The following LY86 variants were observed in gnomAD, a reference collection of about 807,000 sequenced individuals.
LY86 encodes the protein lymphocyte antigen 86, also known as MD-1, RP105-associated.
LY86 carries 20 observed loss-of-function variants against 17.3 expected under a neutral mutation model. The ratio of observed to expected loss-of-function variants is 1.15; its 90% CI spans 0.81 to 1.68. LY86 has a LOEUF of 1.68. Among genes scored for constraint, LY86 ranks in the 40% most tolerant of loss-of-function variants. The pLI is 0.00. For missense variants in LY86, 200 were observed against 191.9 expected, an observed-to-expected ratio of 1.04 and a Z score of -0.25; for synonymous variants, 74 against 70.6, an observed-to-expected ratio of 1.05 and a Z score of -0.24.
At chr6:6,608,546 T>G (rs1345255514) in intron 1 of LY86, among the ~76,000 whole-genome samples, 2 of 152,248 alleles carry the variant, frequency 1.3e-5, no homozygotes, top group Non-Finnish European at 2.9e-5. Flanking sequence ...AGTCCTTTTT[T>G]TCTTTCTCCA....
chr6:6,634,603 T>G (rs1010565182), intron 3 of LY86, among the ~76,000 whole-genome samples: 2 of 152,234 alleles, frequency 1.3e-5, no homozygotes, highest in Admixed American at 6.5e-5. Context: ...TTCATTACGT[T>G]TCTTAATTAG....
intron 1 of LY86, among the ~76,000 whole-genome samples, chr6:6,605,064 C>T (rs897538708): frequency 7.9e-4 from 112 of 142,414 alleles, no homozygotes; most frequent in African/African-American, 2.8e-3. Flanking sequence ...GCCACCGAGA[C>T]TCTCACTAAA....
chr6:6,652,291 G>A (rs999299570), intron 4 of LY86, among the ~76,000 whole-genome samples: 5 of 152,050 alleles, frequency 3.3e-5, no homozygotes, highest in Admixed American at 2.0e-4. Flanking sequence ...TGGCTGGCCC[G>A]CAATGCACGG....
intron 1 of LY86, among the ~76,000 whole-genome samples, chr6:6,606,723 G>A (rs367602404): frequency 1.3e-5 from 2 of 152,192 alleles, no homozygotes; most frequent in East Asian, 3.9e-4. Context: ...CAGCACTTGC[G>A]GGGCCCGCTG....
chr6:6,598,262 A>G lies in LY86; in HGVS notation c.136+9392A>G, dbSNP rs551605493. ...GTCTTATAAATTTCAAAAGCAGACAAAGCACAAATTATCACAAAATTATTC... is the reference window on the plus strand; with the variant it reads ...GTCTTATAAATTTCAAAAGCAGACAGAGCACAAATTATCACAAAATTATTC... On this transcript the variant is annotated intron_variant, in intron 1 of 4. Coordinates refer to ENST00000230568, the MANE Select transcript of LY86 (RefSeq NM_004271.4). Among the ~76,000 whole-genome samples the G allele has an allele frequency of 5.9e-5, 9 of 152,334 alleles. No homozygotes were observed. The East Asian group carries it at 1.7e-3, about 29-fold the overall frequency.
intron 1 of LY86, among the ~76,000 whole-genome samples, chr6:6,603,087 CTG>C (rs149772402): frequency 0.013 from 1,984 of 152,220 alleles, 46 homozygotes; most frequent in African/African-American, 0.043. Flanking sequence ...CCTCCCGACT[CTG>C]TCCTTATATG....
chr6:6,609,964 CTAT>C (rs992065174), intron 1 of LY86, among the ~76,000 whole-genome samples: 3 of 152,148 alleles, frequency 2.0e-5, no homozygotes, highest in Non-Finnish European at 4.4e-5. Flanking sequence ...GTGCTGGCCT[CTAT>C]TTTTGTAGAA....
At chr6:6,592,962 A>G (rs887664252) in intron 1 of LY86, among the ~76,000 whole-genome samples, 4 of 152,278 alleles carry the variant, frequency 2.6e-5, no homozygotes, top group African/African-American at 9.6e-5. Flanking sequence ...GTAAGAGCTT[A>G]GAATCTGGAG....
intron 1 of LY86, among the ~76,000 whole-genome samples, chr6:6,596,119 A>G (rs1760704387): frequency 6.6e-6 from 1 of 152,226 alleles, no homozygotes; most frequent in Admixed American, 6.5e-5. Context: ...TCTTAATTAC[A>G]AAGCCTGCAT....
At chr6:6,619,851 CAG>C (rs748989110) in intron 1 of LY86, among the ~76,000 whole-genome samples, 4 of 151,444 alleles carry the variant, frequency 2.6e-5, no homozygotes, top group Non-Finnish European at 5.9e-5. Context: ...GGGAGGGAGA[CAG>C]GGAGAGAGGG....
chr6:6,611,694 G>A (rs1332915003), intron 1 of LY86, among the ~76,000 whole-genome samples: 1 of 152,232 alleles, frequency 6.6e-6, no homozygotes, highest in Non-Finnish European at 1.5e-5. Flanking sequence ...CGCCGGTCGT[G>A]TTTGTCCCCC....
chr6:6,619,151 A>T (rs1212299154), intron 1 of LY86, among the ~76,000 whole-genome samples: 1 of 152,234 alleles, frequency 6.6e-6, no homozygotes, highest in African/African-American at 2.4e-5. Context: ...CAGCCATGAA[A>T]GAAGACAGAC....
At chr6:6,602,166 T>G (rs774605555) in intron 1 of LY86, among the ~76,000 whole-genome samples, 33 of 152,216 alleles carry the variant, frequency 2.2e-4, no homozygotes, top group Non-Finnish European at 4.4e-4. Context: ...TGTCACCACA[T>G]GAGTCCTGAA....
At chr6:6,590,267 T>C (rs1760485890) in intron 1 of LY86, among the ~76,000 whole-genome samples, 1 of 152,028 alleles carries the variant, frequency 6.6e-6, no homozygotes, top group Non-Finnish European at 1.5e-5. Context: ...CTACATATAC[T>C]ATGGTTTTTG....
At chr6:6,614,519 G>A (rs886452592) in intron 1 of LY86, among the ~76,000 whole-genome samples, 1 of 152,034 alleles carries the variant, frequency 6.6e-6, no homozygotes, top group Non-Finnish European at 1.5e-5. Context: ...GGCTCTCCCA[G>A]CCCCACGCCG....
At position 6,613,393 on chromosome 6, in the gene LY86, G is replaced by A. The variant is rs574585896; in HGVS notation, c.137-11533G>A. On this transcript the variant is annotated intron_variant, in intron 1 of 4. Transcript: ENST00000230568. ...ACAGCGGGGGAGTGGGGAGCGGGAG[G>A]AGACTTCAGGCATGGTGGGCTGCAG... is the stretch of plus-strand genomic sequence containing the variant. Among the ~76,000 whole-genome samples, 6 of 152,352 alleles carry A rather than the reference G, an allele frequency of 3.9e-5. No individual in the cohort carries two copies. In the South Asian group the frequency reaches 6.2e-4, roughly 16 times the overall value.
chr6:6,641,004 A>G (rs1762032097), intron 3 of LY86, among the ~76,000 whole-genome samples: 1 of 152,252 alleles, frequency 6.6e-6, no homozygotes, highest in South Asian at 2.1e-4. Flanking sequence ...AAGATAACTT[A>G]TGTATAGAAA....
intron 3 of LY86, among the ~76,000 whole-genome samples, chr6:6,637,130 A>G (rs1422589950): frequency 6.7e-6 from 1 of 149,264 alleles, no homozygotes. Context: ...CTCCTGCCTT[A>G]GCCTCCCGAG....
At chr6:6,589,183 C>A (rs137904852) in intron 1 of LY86, among the ~76,000 whole-genome samples, 132 of 152,332 alleles carry the variant, frequency 8.7e-4, no homozygotes, top group African/African-American at 3.0e-3. Flanking sequence ...TCTACCAAAT[C>A]ATCAAACCTC....
Sources: allele counts gnomAD v4.1 joint callset (sites outside exome capture counted in the v4.1 genomes callset), GRCh38; gene constraint gnomAD v4.1.1; transcripts MANE v1.5; gene names NCBI Gene and HGNC (gene_info 2026-07-23, HGNC 2026-07-21).